The following PTPRG variants were observed in gnomAD, a reference collection of about 807,000 sequenced individuals.
The protein encoded by PTPRG is receptor-type tyrosine-protein phosphatase gamma.
Under a neutral mutation model 165.3 loss-of-function variants are expected in PTPRG, and 102 were observed. The observed-to-expected ratio is 0.62, with a 90% CI of 0.53 to 0.73. PTPRG has a LOEUF of 0.73. Among genes scored for constraint, PTPRG ranks in the 30% least tolerant of loss-of-function variants. The probability of loss-of-function intolerance (pLI) is 0.00; values close to 1 mark genes in which losing one functional copy is unlikely to be tolerated. For missense variants in PTPRG, 1,866 were observed against 1,861.4 expected, an observed-to-expected ratio of 1.00 and a Z score of -0.05; for synonymous variants, 675 against 669.5, an observed-to-expected ratio of 1.01 and a Z score of -0.13.
At chr3:61,834,816 G>GA (rs3039800) in intron 2 of PTPRG, among the ~76,000 whole-genome samples, 93 of 151,796 alleles carry the variant, frequency 6.1e-4, no homozygotes, top group African/African-American at 2.1e-3. Context: ...ATCTCAAAAA[G>GA]AAAAAAACAT....
rs920127152 is a variant in PTPRG, at chr3:61,771,121, G to A, written c.190+22139G>A. 7 of 152,064 alleles carry A rather than the reference G, an allele frequency of 4.6e-5. No individual in the cohort carries two copies. In the East Asian group the frequency reaches 1.3e-3, roughly 29 times the overall value. The allele number at this position is 152,064 out of a possible 1,614,324, so 9.4% of individuals were successfully genotyped here. On this transcript the variant is annotated intron_variant, in intron 2 of 29. Transcript: ENST00000474889. ...GGAGAGTTGAGCTCAATGAAAAGAA[G>A]GTAGATTTTTGCCTTTTTTATGCAG...
chr3:62,176,503 T>C (rs1705429486), intron 8 of PTPRG, among the ~76,000 whole-genome samples: 1 of 152,156 alleles, frequency 6.6e-6, no homozygotes, highest in African/African-American at 2.4e-5. Flanking sequence ...TCGGGTGACT[T>C]GAACAACACA....
intron 3 of PTPRG, among the ~76,000 whole-genome samples, chr3:61,995,080 CTTTCTTTTTTTT>C (rs2040991722): frequency 1.9e-5 from 2 of 107,400 alleles, no homozygotes; most frequent in African/African-American, 4.1e-5. Flanking sequence ...TCTTTTCTTT[CTTTCTTTTTTTT>C]TTTTTTTTTT....
At chr3:61,948,380 C>A (rs1327880500) in intron 2 of PTPRG, among the ~76,000 whole-genome samples, 1 of 152,130 alleles carries the variant, frequency 6.6e-6, no homozygotes, top group Non-Finnish European at 1.5e-5. Flanking sequence ...CATTCACTCC[C>A]TCATCCTTCC....
chr3:62,144,945 C>G (rs978737849), intron 6 of PTPRG, among the ~76,000 whole-genome samples: 1 of 151,978 alleles, frequency 6.6e-6, no homozygotes, highest in Non-Finnish European at 1.5e-5. Context: ...ATCGTTTGAA[C>G]AGGATTATGG....
At chr3:61,921,826 TG>T (rs1331178717) in intron 2 of PTPRG, among the ~76,000 whole-genome samples, 3 of 152,192 alleles carry the variant, frequency 2.0e-5, no homozygotes, top group Admixed American at 6.5e-5. Flanking sequence ...GTTAGGAAAT[TG>T]TTTTTTTTCT....
chr3:61,972,525 T>C (rs948796040), intron 2 of PTPRG, among the ~76,000 whole-genome samples: 1 of 151,980 alleles, frequency 6.6e-6, no homozygotes, highest in African/African-American at 2.4e-5. Context: ...TAGGAGACAA[T>C]TGCAGTCATT....
chr3:62,093,304 G>A (rs1702004121), intron 5 of PTPRG, among the ~76,000 whole-genome samples: 2 of 152,288 alleles, frequency 1.3e-5, no homozygotes, highest in South Asian at 4.2e-4. Context: ...TAAAGAGCAT[G>A]TTCTCAACTC....
At chr3:61,647,410 C>T (rs1421380791) in intron 1 of PTPRG, among the ~76,000 whole-genome samples, 2 of 152,210 alleles carry the variant, frequency 1.3e-5, no homozygotes, top group Admixed American at 6.5e-5. Context: ...ACCATTGTTT[C>T]TCTAAAGAAG....
intron 7 of PTPRG, among the ~76,000 whole-genome samples, chr3:62,161,320 ATGT>A (rs998661116): frequency 5.9e-5 from 9 of 152,224 alleles, no homozygotes; most frequent in African/African-American, 1.9e-4. Context: ...ATCATTTAAA[ATGT>A]TGTAGTAATC....
rs112706600 is a variant in PTPRG, at chr3:61,666,553, G to T, written c.86-82325G>T. Among the ~76,000 whole-genome samples the T allele has an allele frequency of 4.8e-3, 730 of 152,284 alleles. 4 individuals are homozygous for T. Among genetic ancestry groups the T allele is most frequent in the African/African-American group, 0.012 (504 of 41,552 alleles). On this transcript the variant is annotated intron_variant, in intron 1 of 29. Coordinates refer to ENST00000474889, the MANE Select transcript of PTPRG (RefSeq NM_002841.4). ...GAAGAAAGGAAAACCAGCCTTTGTA[G>T]GGTTGTGATGAAAGTGAAATGAGAT...
chr3:61,910,612 G>C (rs2038777441), intron 2 of PTPRG, among the ~76,000 whole-genome samples: 1 of 152,134 alleles, frequency 6.6e-6, no homozygotes, highest in Non-Finnish European at 1.5e-5. Context: ...TTAAGAAATT[G>C]AGAGTGAAGC....
chr3:61,930,442 G>C (rs745971554), intron 2 of PTPRG, among the ~76,000 whole-genome samples: 7 of 152,096 alleles, frequency 4.6e-5, no homozygotes, highest in Non-Finnish European at 1.0e-4. Flanking sequence ...GTGATGAGGG[G>C]CTCCCAGCAC....
chr3:62,081,847 A>C (rs1297034347), intron 5 of PTPRG, among the ~76,000 whole-genome samples: 1 of 152,210 alleles, frequency 6.6e-6, no homozygotes, highest in Non-Finnish European at 1.5e-5. Context: ...TATATTTCCA[A>C]ATTCAAACCT....
At chr3:61,606,684 G>C (rs1701018075) in intron 1 of PTPRG, among the ~76,000 whole-genome samples, 1 of 152,206 alleles carries the variant, frequency 6.6e-6, no homozygotes, top group Non-Finnish European at 1.5e-5. Context: ...TGTCTGGCAA[G>C]GGCTACATCC....
intron 4 of PTPRG, among the ~76,000 whole-genome samples, chr3:62,014,670 C>G (rs11710174): frequency 1.3e-5 from 2 of 152,118 alleles, no homozygotes; most frequent in East Asian, 1.9e-4. Flanking sequence ...ACGCACTCCC[C>G]TTGCTATTTC....
At chr3:62,260,955 G>A (rs1228327398) in intron 16 of PTPRG, 1 of 152,146 alleles carries the variant, frequency 6.6e-6, no homozygotes, top group Non-Finnish European at 1.5e-5. Context: ...GATCAGACAA[G>A]GGGTTTTAGA....
At chr3:62,028,618 A>G (rs558648048) in intron 4 of PTPRG, among the ~76,000 whole-genome samples, 6 of 152,224 alleles carry the variant, frequency 3.9e-5, no homozygotes, top group Non-Finnish European at 7.3e-5. Context: ...TTGGAAGAAC[A>G]TTGTTTTATA....
chr3:61,595,000 T>C lies in PTPRG; in HGVS notation c.85+32628T>C, dbSNP rs948926136. On this transcript the variant is annotated intron_variant, in intron 1 of 29. Transcript: ENST00000474889. Reference sequence around the variant, plus strand: ...TGTCTGTTGCGGGAAAATGAAAGTTTTTCCTCTCCGGATGAAAAGCGAGAA... The same window carrying C: ...TGTCTGTTGCGGGAAAATGAAAGTTCTTCCTCTCCGGATGAAAAGCGAGAA... Among the ~76,000 whole-genome samples the C allele has an allele frequency of 3.8e-4, 58 of 152,190 alleles. 1 individual carries two copies. Among genetic ancestry groups the C allele is most frequent in the African/African-American group, 1.3e-3 (54 of 41,452 alleles).
Sources: allele counts gnomAD v4.1 joint callset (sites outside exome capture counted in the v4.1 genomes callset), GRCh38; gene constraint gnomAD v4.1.1; transcripts MANE v1.5; gene names NCBI Gene and HGNC (gene_info 2026-07-23, HGNC 2026-07-21).